The following ANK2 variants were observed in gnomAD, a reference collection of about 807,000 sequenced individuals.
The protein encoded by ANK2 is ankyrin-2.
In ANK2, 83 loss-of-function variants were observed where a neutral mutation model predicts 360.5. That is an observed-to-expected ratio of 0.23 (90% CI 0.19 to 0.28). The LOEUF is 0.28. Ranked by LOEUF, ANK2 falls within the 10% of genes least tolerant of loss-of-function variation. The probability of loss-of-function intolerance (pLI) is 1.00; values close to 1 mark genes in which losing one functional copy is unlikely to be tolerated. For synonymous variants in ANK2, 1,740 were observed against 1,759.5 expected (o/e 0.99, Z 0.28); for missense variants, 4,201 against 4,795.7 (o/e 0.88, Z 3.66).
intron 2 of ANK2, among the ~76,000 whole-genome samples, chr4:112,931,861 T>C (rs573825428): frequency 9.9e-5 from 15 of 152,186 alleles, no homozygotes; most frequent in Non-Finnish European, 2.1e-4. Context: ...TTGCTTATAA[T>C]TGGAAGTGAC....
chr4:113,025,513 T>G (rs1226071457), intron 2 of ANK2, among the ~76,000 whole-genome samples: 1 of 152,214 alleles, frequency 6.6e-6, no homozygotes, highest in Non-Finnish European at 1.5e-5. Flanking sequence ...TCCAAATTCC[T>G]GGCACATAAT....
rs1286456564 is a variant in ANK2 at position 113,258,296 on chromosome 4, G to C, written c.1288-17G>C. 1.9e-6 allele frequency: 3 copies of C among 1,613,002 alleles called. No individual in the cohort carries two copies. The highest frequency in any genetic ancestry group is 1.7e-4 in the Middle Eastern group (1 of 5,814). ...ACCGGTGCAGAGGAGTAAAACTGCT[G>C]TTGCTTTGTTTCGCAGTCTGGCCTC... On this transcript the variant is annotated splice_polypyrimidine_tract_variant and intron_variant, in intron 12 of 45. Transcript: ENST00000357077.
intron 1 of ANK2, among the ~76,000 whole-genome samples, chr4:113,066,951 A>G (rs2075828636): frequency 2.6e-5 from 4 of 152,054 alleles, no homozygotes. Flanking sequence ...GCTTGGCGAT[A>G]GTAAGCATTA....
chr4:113,245,792 C>G (rs963892089), intron 9 of ANK2, among the ~76,000 whole-genome samples: 11 of 151,920 alleles, frequency 7.2e-5, no homozygotes, highest in Non-Finnish European at 1.2e-4. Context: ...TATAATAAAG[C>G]TTCTACATAT....
chr4:112,896,848 G>T (rs1464133800), intron 1 of ANK2, among the ~76,000 whole-genome samples: 1 of 152,148 alleles, frequency 6.6e-6, no homozygotes, highest in Non-Finnish European at 1.5e-5. Flanking sequence ...CTTCCAGTGA[G>T]CCACCACCCT....
chr4:113,308,867 G>T (rs1474565217), intron 23 of ANK2, among the ~76,000 whole-genome samples: 1 of 152,178 alleles, frequency 6.6e-6, no homozygotes, highest in Non-Finnish European at 1.5e-5. Context: ...AGCAGACAAT[G>T]TATCTAGGAA....
chr4:113,040,015 AAT>A (rs2062564888), intron 2 of ANK2, among the ~76,000 whole-genome samples: 1 of 151,998 alleles, frequency 6.6e-6, no homozygotes, highest in South Asian at 2.1e-4. Flanking sequence ...TACAGTAATA[AAT>A]TAAGTTGCCC....
At chr4:112,756,828 C>T in the ANK2 span, among the ~76,000 whole-genome samples, 1 of 152,014 alleles carries the variant, frequency 6.6e-6, no homozygotes, top group Admixed American at 6.6e-5. Context: ...CAAAAATTAG[C>T]CCTACATGGT....
chr4:113,033,459 AAC>A (rs67316310), intron 2 of ANK2, among the ~76,000 whole-genome samples: 29,669 of 151,876 alleles, frequency 0.2, 3,117 homozygotes, highest in East Asian at 0.35. Flanking sequence ...AAATCTAGGA[AAC>A]ACAGAGAAAT....
chr4:112,968,365 A>G (rs771259663), intron 2 of ANK2, among the ~76,000 whole-genome samples: 3 of 152,124 alleles, frequency 2.0e-5, no homozygotes, highest in Non-Finnish European at 4.4e-5. Flanking sequence ...GCCATTTCCC[A>G]TCTCATCTCA....
In ANK2 at chr4:113,348,290, T is replaced by C; in HGVS notation, c.4386T>C (p.Asp1462=). 6.2e-7 allele frequency: 1 copy of C among 1,613,470 alleles called. No homozygotes were observed. Among genetic ancestry groups the C allele is most frequent in the Non-Finnish European group, 8.5e-7 (1 of 1,179,562 alleles). The change falls in exon 36 of 46, where the codon GAT becomes GAC. Residue 1462 remains aspartate, a synonymous_variant. Coordinates refer to ENST00000357077, the MANE Select transcript of ANK2 (RefSeq NM_001148.6). ...GGGGCGGAAAGGAATCAGAGTCAGATCAAGAACAGGAGGAAGAGGTAATTT... is the reference window on the plus strand; with the variant it reads ...GGGGCGGAAAGGAATCAGAGTCAGACCAAGAACAGGAGGAAGAGGTAATTT... ...LPIYTKESES[D]QEQEEEIDMT...
chr4:113,272,154 T>C (rs1280770792), intron 14 of ANK2, among the ~76,000 whole-genome samples: 1 of 152,200 alleles, frequency 6.6e-6, no homozygotes, highest in African/African-American at 2.4e-5. Context: ...TTATCAAATC[T>C]TTGAACTTTA....
intron 1 of ANK2, among the ~76,000 whole-genome samples, chr4:113,060,353 G>C (rs190034183): frequency 3.3e-5 from 5 of 152,108 alleles, no homozygotes; most frequent in Non-Finnish European, 5.9e-5. Flanking sequence ...AGTCTACATA[G>C]AGTTCTACAT....
chr4:112,898,405 GT>G (rs968674490), intron 1 of ANK2, among the ~76,000 whole-genome samples: 8 of 152,218 alleles, frequency 5.3e-5, no homozygotes, highest in African/African-American at 1.9e-4. Flanking sequence ...TACTGGTTAA[GT>G]ATATTGTGGG....
At chr4:113,004,234 C>T (rs1003734024) in intron 2 of ANK2, among the ~76,000 whole-genome samples, 2 of 152,022 alleles carry the variant, frequency 1.3e-5, no homozygotes, top group African/African-American at 2.4e-5. Context: ...ACTTTATAAA[C>T]ATTTTGTTTT....
chr4:113,169,630 G>A (rs531125609), intron 1 of ANK2, among the ~76,000 whole-genome samples: 46 of 152,262 alleles, frequency 3.0e-4, no homozygotes, highest in Middle Eastern at 3.4e-3. Context: ...CTCTTTTAAG[G>A]CTAGTAGGGA....
At chr4:113,368,367 GA>G (rs1431341085) in intron 42 of ANK2, among the ~76,000 whole-genome samples, 1 of 152,214 alleles carries the variant, frequency 6.6e-6, no homozygotes, top group Non-Finnish European at 1.5e-5. Flanking sequence ...ACCAAGCTAT[GA>G]GGGGACTAAT....
chr4:113,331,748 G>A (rs915462709), intron 27 of ANK2, among the ~76,000 whole-genome samples: 53 of 152,012 alleles, frequency 3.5e-4, no homozygotes, highest in Admixed American at 7.9e-4. Context: ...CCTAATTAGG[G>A]ACAGACCGGA....
At chr4:112,743,472 G>A in the ANK2 span, among the ~76,000 whole-genome samples, 3 of 150,562 alleles carry the variant, frequency 2.0e-5, no homozygotes, top group East Asian at 2.0e-4. Context: ...AAGTAATCTC[G>A]GTCTTTCTCT....
Sources: gnomAD v4.1 joint callset for allele counts (sites outside exome capture counted in the v4.1 genomes callset) on GRCh38, gnomAD v4.1.1 for gene constraint, MANE v1.5 for transcripts, NCBI Gene and HGNC (gene_info 2026-07-23, HGNC 2026-07-21) for gene names.